PARN: variants seen among roughly 807,000 people sequenced by gnomAD.
PARN encodes poly(A)-specific ribonuclease.
Under a neutral mutation model 102.8 loss-of-function variants are expected in PARN, and 71 were observed. The ratio of observed to expected loss-of-function variants is 0.69; its 90% CI spans 0.57 to 0.84. The LOEUF is 0.84. Ranked by LOEUF, PARN falls within the 40% of genes least tolerant of loss-of-function variation. PARN has a pLI of 0.00. For synonymous variants in PARN, 261 were observed against 252.9 expected, an observed-to-expected ratio of 1.03 and a Z score of -0.30; for missense variants, 782 against 760.9, an observed-to-expected ratio of 1.03 and a Z score of -0.33.
chr16:14,479,920 C>CAAAAAAAA (rs58833234), intron 22 of PARN, among the ~76,000 whole-genome samples: 3 of 102,884 alleles, frequency 2.9e-5, no homozygotes, highest in Non-Finnish European at 4.3e-5. Context: ...AACCTTCTAC[C>CAAAAAAAA]AAAAAAAAAA....
chr16:14,447,970 CTAT>C (rs1961276280), intron 22 of PARN, among the ~76,000 whole-genome samples: 2 of 151,396 alleles, frequency 1.3e-5, no homozygotes, highest in Non-Finnish European at 2.9e-5. Context: ...ATCTATCTAT[CTAT>C]CTATCTATCT....
chr16:14,539,448 A>G (rs1210084072), intron 21 of PARN, among the ~76,000 whole-genome samples: 2 of 152,238 alleles, frequency 1.3e-5, no homozygotes, highest in Admixed American at 6.5e-5. Context: ...CTAATTAGGG[A>G]GAGTCCAAGT....
intron 7 of PARN, among the ~76,000 whole-genome samples, chr16:14,609,392 C>T (rs1279081636): frequency 6.6e-6 from 1 of 152,010 alleles, no homozygotes; most frequent in African/African-American, 2.4e-5. Context: ...ATACTGAGAG[C>T]CCCTCACTAC....
chr16:14,581,944 C>T (rs1413828679), intron 17 of PARN, among the ~76,000 whole-genome samples: 1 of 152,180 alleles, frequency 6.6e-6, no homozygotes, highest in East Asian at 1.9e-4. Context: ...CTCTGCTCTC[C>T]ACCACGTAAG....
intron 21 of PARN, among the ~76,000 whole-genome samples, chr16:14,505,380 G>C (rs1964839635): frequency 6.6e-6 from 1 of 152,224 alleles, no homozygotes; most frequent in South Asian, 2.1e-4. Flanking sequence ...CAGAGGCTGA[G>C]GTGGGAGGAC....
At chr16:14,496,470 A>T (rs1010378939) in intron 21 of PARN, among the ~76,000 whole-genome samples, 6 of 152,220 alleles carry the variant, frequency 3.9e-5, no homozygotes, top group African/African-American at 1.4e-4. Flanking sequence ...AAGATGAAAC[A>T]CAACTTAAAA....
At chr16:14,458,814 T>G (rs1961813221) in intron 22 of PARN, among the ~76,000 whole-genome samples, 1 of 152,080 alleles carries the variant, frequency 6.6e-6, no homozygotes, top group Non-Finnish European at 1.5e-5. Flanking sequence ...AGGAGCTAGA[T>G]AGGAGGTTTA....
intron 22 of PARN, among the ~76,000 whole-genome samples, chr16:14,474,225 G>C (rs529777243): frequency 6.6e-6 from 1 of 152,148 alleles, no homozygotes; most frequent in African/African-American, 2.4e-5. Flanking sequence ...GGCTGGTCTC[G>C]AGCTTCTGAA....
At chr16:14,519,092 A>G (rs1031224420) in intron 21 of PARN, among the ~76,000 whole-genome samples, 10 of 151,762 alleles carry the variant, frequency 6.6e-5, no homozygotes, top group African/African-American at 2.4e-4. Flanking sequence ...ATGATATTCT[A>G]TTTCTACCAT....
At chr16:14,480,777 C>A (rs919108292) in intron 22 of PARN, among the ~76,000 whole-genome samples, 1 of 152,200 alleles carries the variant, frequency 6.6e-6, no homozygotes, top group African/African-American at 2.4e-5. Flanking sequence ...ATCGTCTCTA[C>A]TAAAAATACA....
At chr16:14,542,311 T>C (rs1421973158) in intron 21 of PARN, among the ~76,000 whole-genome samples, 1 of 151,876 alleles carries the variant, frequency 6.6e-6, no homozygotes, top group African/African-American at 2.4e-5. Flanking sequence ...TGGGCTTTTT[T>C]TTTTTTCTTC....
chr16:14,559,076 G>C (rs1483432297), intron 18 of PARN, among the ~76,000 whole-genome samples: 1 of 151,882 alleles, frequency 6.6e-6, no homozygotes, highest in Non-Finnish European at 1.5e-5. Flanking sequence ...TGCAATTCTT[G>C]TATTTCTGTT....
chr16:14,517,877 G>A (rs1407358758), intron 21 of PARN, among the ~76,000 whole-genome samples: 1 of 151,770 alleles, frequency 6.6e-6, no homozygotes, highest in Non-Finnish European at 1.5e-5. Context: ...GATGGGGTTG[G>A]CCAGGCTGGT....
intron 13 of PARN, among the ~76,000 whole-genome samples, chr16:14,587,135 A>T (rs1305394477): frequency 6.6e-6 from 1 of 152,222 alleles, no homozygotes; most frequent in African/African-American, 2.4e-5. Context: ...TGCTGTTTCC[A>T]ATTAGCTTTT....
intron 12 of PARN, among the ~76,000 whole-genome samples, chr16:14,595,449 C>T (rs1970447638): frequency 6.6e-6 from 1 of 152,158 alleles, no homozygotes; most frequent in African/African-American, 2.4e-5. Flanking sequence ...AATGCAGCCT[C>T]AAACTCCCAT....
rs1455096931 is a variant in PARN at position 14,570,801 on chromosome 16, G to A, written c.1262+10073C>T. Among the ~76,000 whole-genome samples, 7 of 145,908 alleles carry A rather than the reference G, an allele frequency of 4.8e-5. No homozygotes were observed. In the East Asian group the frequency reaches 1.4e-3, roughly 30 times the overall value. On this transcript the variant is annotated intron_variant, in intron 18 of 23. Transcript: ENST00000437198. ...AAGACCAGCGAGGGCAACGTAATGA[G>A]GCCCCCACCTCTACAAAAAAAAAAA...
At position 14,610,731 on chromosome 16, in the gene PARN, G is replaced by A. The variant is rs1341620972; in HGVS notation, c.467C>T (p.Ala156Val). Residue 156 changes from alanine to valine, a missense_variant, in exon 7 of 24, where the codon GCA becomes GTA. By Grantham distance (64) the Ala-to-Val change is moderately conservative. Coordinates refer to ENST00000437198, the MANE Select transcript of PARN (RefSeq NM_002582.4). ...YDEKRSQANG[A>V]GALSYVSPNT... ...AGGAGATACATAGGACAGAGCTCCT[G>A]CACCATTCGCCTGTGAACGTTTTTC... 2 of 1,603,988 alleles carry A rather than the reference G, an allele frequency of 1.2e-6. No individual in the cohort carries two copies. The highest frequency in any genetic ancestry group is 1.7e-5 in the Admixed American group (1 of 59,984).
At chr16:14,525,963 T>C (rs1397745337) in intron 21 of PARN, among the ~76,000 whole-genome samples, 1 of 151,486 alleles carries the variant, frequency 6.6e-6, no homozygotes, top group East Asian at 1.9e-4. Context: ...GGATTACAGG[T>C]GTGCACCACC....
At chr16:14,501,285 AC>A (rs57344129) in intron 21 of PARN, among the ~76,000 whole-genome samples, 8,479 of 139,296 alleles carry the variant, frequency 0.061, 636 homozygotes, top group African/African-American at 0.18. Flanking sequence ...CAAAAAACAA[AC>A]AAAAAAACAA....
Sources: gnomAD v4.1 joint callset for allele counts (sites outside exome capture counted in the v4.1 genomes callset) on GRCh38, gnomAD v4.1.1 for gene constraint, MANE v1.5 for transcripts, NCBI Gene and HGNC (gene_info 2026-07-23, HGNC 2026-07-21) for gene names.